Variants in COL4A1 observed in about 807,000 individuals in gnomAD.
COL4A1 encodes collagen alpha-1(IV) chain.
COL4A1 carries 40 observed loss-of-function variants against 216.6 expected under a neutral mutation model. That is an observed-to-expected ratio of 0.18 (90% CI 0.14 to 0.24). COL4A1 has a LOEUF of 0.24. Ranked by LOEUF, COL4A1 falls within the 10% of genes least tolerant of loss-of-function variation. The pLI is 1.00. For synonymous variants in COL4A1, 839 were observed against 810.7 expected (o/e 1.03, Z -0.59); for missense variants, 1,628 against 2,196.8 (o/e 0.74, Z 5.18).
chr13:110,219,690 G>GTATATATGTGTA (rs1555307880), intron 2 of COL4A1, among the ~76,000 whole-genome samples: 3 of 135,090 alleles, frequency 2.2e-5, no homozygotes, highest in Non-Finnish European at 4.6e-5. Context: ...GTATATATAT[G>GTATATATGTGTA]TATATATATG....
At chr13:110,187,414 C>T in intron 24 of COL4A1, 85 bp from the exon 25 acceptor site, 1 of 1,494,680 alleles carries the variant, frequency 6.7e-7, no homozygotes, top group Non-Finnish European at 9.3e-7. Flanking sequence ...ACCATAGAAT[C>T]AAGAAGCCAC....
chr13:110,242,816 C>A (rs1271713132), intron 1 of COL4A1, 82 bp from the exon 2 acceptor site: 8 of 1,470,264 alleles, frequency 5.4e-6, no homozygotes, highest in Non-Finnish European at 5.7e-6. Context: ...GTTCTGGCAT[C>A]TTGACTTGTT....
intron 22 of COL4A1, among the ~76,000 whole-genome samples, chr13:110,193,683 G>T (rs762951243): frequency 6.6e-6 from 1 of 152,386 alleles, no homozygotes; most frequent in African/African-American, 2.4e-5. Context: ...CACGGGCACT[G>T]CTATTGCCCA....
chr13:110,261,394 GC>G (rs1566426129), intron 1 of COL4A1, among the ~76,000 whole-genome samples: 1 of 152,222 alleles, frequency 6.6e-6, no homozygotes, highest in African/African-American at 2.4e-5. Flanking sequence ...GGATTTGGGA[GC>G]CTGCTAACTC....
chr13:110,287,659 G>A (rs910211128), intron 1 of COL4A1, among the ~76,000 whole-genome samples: 1 of 152,260 alleles, frequency 6.6e-6, no homozygotes, highest in Non-Finnish European at 1.5e-5. Context: ...GCGCCGTACA[G>A]TGGGATGGCC....
chr13:110,295,350 TG>T (rs1350416285), intron 1 of COL4A1, among the ~76,000 whole-genome samples: 1 of 151,910 alleles, frequency 6.6e-6, no homozygotes, highest in African/African-American at 2.4e-5. Flanking sequence ...AACTCCTTTT[TG>T]AATTCAATTA....
At chr13:110,298,452 T>C (rs373358479) in intron 1 of COL4A1, among the ~76,000 whole-genome samples, 12 of 152,228 alleles carry the variant, frequency 7.9e-5, no homozygotes, top group Middle Eastern at 3.2e-3. Flanking sequence ...TTTGTGTATG[T>C]GTCCGAAATA....
chr13:110,153,483 G>A (rs1026501794), intron 50 of COL4A1, among the ~76,000 whole-genome samples: 4 of 152,154 alleles, frequency 2.6e-5, no homozygotes, highest in African/African-American at 9.7e-5. Flanking sequence ...TTTCCTGTGG[G>A]TCCTCAATGC....
intron 48 of COL4A1, chr13:110,161,905 AT>A: frequency 2.5e-6 from 1 of 405,046 alleles, no homozygotes; most frequent in Non-Finnish European, 4.6e-6. Flanking sequence ...ATCAATGCAA[AT>A]TGTTAAGTGC....
At chr13:110,281,900 C>T (rs1594113871) in intron 1 of COL4A1, among the ~76,000 whole-genome samples, 1 of 152,240 alleles carries the variant, frequency 6.6e-6, no homozygotes, top group Non-Finnish European at 1.5e-5. Context: ...TCTACAGTTT[C>T]TTTCGCATTC....
At chr13:110,284,544 CCAT>C (rs1471643876) in intron 1 of COL4A1, among the ~76,000 whole-genome samples, 18 of 152,148 alleles carry the variant, frequency 1.2e-4, no homozygotes, top group African/African-American at 4.3e-4. Flanking sequence ...AAGTAGAAAG[CCAT>C]CATTTTTCAC....
In COL4A1 at chr13:110,176,969, C is replaced by A; in HGVS notation, c.2785G>T (p.Val929Phe). ...DPGLKGDKGD[V>F]GLPGKPGSMD... ...GAGCCAGGCTTGCCAGGGAGACCGACATCCCCCTTATCACCTTTCAAGCCA... is the reference window on the plus strand; with the variant it reads ...GAGCCAGGCTTGCCAGGGAGACCGAAATCCCCCTTATCACCTTTCAAGCCA... Residue 929 changes from valine (V) to phenylalanine (F), a missense_variant, in exon 34 of 52, where the codon GTC becomes TTC. Physicochemically the swap from Val to Phe is conservative, Grantham distance 50. Transcript: ENST00000375820. The A allele has an allele frequency of 6.2e-7, 1 of 1,614,192 alleles. No homozygotes were observed. Among genetic ancestry groups the A allele is most frequent in the Non-Finnish European group, 8.5e-7 (1 of 1,180,042 alleles).
At chr13:110,285,009 A>G (rs2139304391) in intron 1 of COL4A1, among the ~76,000 whole-genome samples, 1 of 152,366 alleles carries the variant, frequency 6.6e-6, no homozygotes, top group Admixed American at 6.5e-5. Flanking sequence ...CCCTTTCTGT[A>G]GCGAGGCACA....
chr13:110,195,164 T>C, intron 21 of COL4A1, 46 bp from the exon 22 acceptor site: 1 of 1,516,410 alleles, frequency 6.6e-7, no homozygotes, highest in Non-Finnish European at 9.2e-7. Flanking sequence ...TAGGTGTTTT[T>C]ACCCTCTCCT....
At chr13:110,288,970 G>C (rs753216299) in intron 1 of COL4A1, among the ~76,000 whole-genome samples, 1 of 152,118 alleles carries the variant, frequency 6.6e-6, no homozygotes, top group Non-Finnish European at 1.5e-5. Flanking sequence ...CCCAGGAGGC[G>C]GAGGTTGCAG....
intron 24 of COL4A1, among the ~76,000 whole-genome samples, chr13:110,188,817 G>A (rs936244101): frequency 1.3e-5 from 2 of 152,168 alleles, no homozygotes; most frequent in African/African-American, 4.8e-5. Context: ...CCTAACAGCT[G>A]AAACATCGCA....
chr13:110,191,714 AT>A, intron 24 of COL4A1: 1 of 663,004 alleles, frequency 1.5e-6, no homozygotes, highest in Non-Finnish European at 2.7e-6. Context: ...CATATTTCTA[AT>A]CCTCAGAGGC....
intron 1 of COL4A1, among the ~76,000 whole-genome samples, chr13:110,261,029 T>A (rs1470871966): frequency 9.6e-5 from 1 of 10,384 alleles, no homozygotes; most frequent in African/African-American, 1.2e-3. Flanking sequence ...AGAGCGAGAC[T>A]CCGTCTCAAA....
intron 1 of COL4A1, among the ~76,000 whole-genome samples, chr13:110,245,908 G>A (rs1174517601): frequency 2.0e-5 from 3 of 152,072 alleles, no homozygotes; most frequent in African/African-American, 4.8e-5. Flanking sequence ...ACTGACCCCC[G>A]ACCCCGGCCT....
Sources: allele counts gnomAD v4.1 joint callset (sites outside exome capture counted in the v4.1 genomes callset), GRCh38; gene constraint gnomAD v4.1.1; transcripts MANE v1.5; gene names NCBI Gene and HGNC (gene_info 2026-07-23, HGNC 2026-07-21).